The following IPO7 variants were observed in gnomAD, a reference collection of about 807,000 sequenced individuals.
IPO7 encodes the protein importin 7.
A neutral mutation model predicts 136.4 loss-of-function variants in IPO7; 13 were observed. The ratio of observed to expected loss-of-function variants is 0.10; its 90% CI spans 0.06 to 0.15. The LOEUF is 0.15. IPO7 is among the 10% of genes least tolerant of loss of function. The probability of loss-of-function intolerance (pLI) is 1.00; values close to 1 mark genes in which losing one functional copy is unlikely to be tolerated. For missense variants in IPO7, 857 were observed against 1,240.6 expected, an observed-to-expected ratio of 0.69 and a Z score of 4.65; for synonymous variants, 403 against 404.4, an observed-to-expected ratio of 1.00 and a Z score of 0.04.
chr11:9,399,562 T>TGA (rs1854764653), intron 1 of IPO7, among the ~76,000 whole-genome samples: 1 of 152,184 alleles, frequency 6.6e-6, no homozygotes, highest in African/African-American at 2.4e-5. Flanking sequence ...AGGATAGTGA[T>TGA]GAGAGGTTGG....
intron 2 of IPO7, among the ~76,000 whole-genome samples, chr11:9,404,615 T>G (rs1296714584): frequency 2.8e-5 from 4 of 144,510 alleles, no homozygotes; most frequent in South Asian, 2.2e-4. Flanking sequence ...GCCCAGGCTG[T>G]AGTGCGGTGG....
chr11:9,393,101 T>G (rs888600919), intron 1 of IPO7, among the ~76,000 whole-genome samples: 2 of 152,076 alleles, frequency 1.3e-5, no homozygotes, highest in African/African-American at 4.8e-5. Flanking sequence ...CTGGTAAACA[T>G]CAAGTAGAAA....
intron 3 of IPO7, 79 bp from the exon 4 acceptor site, chr11:9,409,849 C>T: frequency 9.7e-7 from 1 of 1,031,086 alleles, no homozygotes; most frequent in Non-Finnish European, 1.4e-6. Flanking sequence ...TTTGTCTAAA[C>T]AGCTATTTTC....
chr11:9,390,370 T>TG (rs1854612348), intron 1 of IPO7, among the ~76,000 whole-genome samples: 2 of 152,120 alleles, frequency 1.3e-5, no homozygotes, highest in Admixed American at 1.3e-4. Flanking sequence ...TACTGCTGTA[T>TG]GTGATATACC....
chr11:9,436,866 A>ATATATATATATAT, intron 20 of IPO7, among the ~76,000 whole-genome samples: 1 of 14,534 alleles, frequency 6.9e-5, no homozygotes, highest in Non-Finnish European at 1.2e-4. Context: ...ATATATATAT[A>ATATATATATATAT]TATTTTTTTT....
intron 1 of IPO7, among the ~76,000 whole-genome samples, chr11:9,400,953 G>A (rs1481131647): frequency 5.3e-5 from 8 of 151,670 alleles, no homozygotes; most frequent in African/African-American, 1.2e-4. Flanking sequence ...AAGCCGAGGC[G>A]GGTGGATCAC....
intron 1 of IPO7, among the ~76,000 whole-genome samples, chr11:9,386,420 A>T (rs1429509236): frequency 2.6e-5 from 4 of 152,194 alleles, no homozygotes; most frequent in Non-Finnish European, 5.9e-5. Flanking sequence ...AGTGATAGAC[A>T]TGGGTTAAGT....
chr11:9,410,132 A>G, intron 4 of IPO7, 46 bp downstream of exon 4: 1 of 1,348,886 alleles, frequency 7.4e-7, no homozygotes, highest in Non-Finnish European at 9.7e-7. Context: ...AAGTAGGAAA[A>G]GTTGGGAAAA....
intron 13 of IPO7, 137 bp from the exon 14 acceptor site, chr11:9,428,894 T>A: frequency 1.2e-6 from 1 of 827,852 alleles, no homozygotes; most frequent in Non-Finnish European, 2.2e-6. Context: ...ATCATAGTAC[T>A]GGTCTAGTGT....
chr11:9,418,641 AATAG>A (rs1197898468), intron 6 of IPO7, among the ~76,000 whole-genome samples: 10 of 152,198 alleles, frequency 6.6e-5, no homozygotes, highest in African/African-American at 2.4e-4. Context: ...TTGCACATTT[AATAG>A]ATATAAAATA....
chr11:9,399,128 G>A (rs1467927564), intron 1 of IPO7, among the ~76,000 whole-genome samples: 1 of 151,740 alleles, frequency 6.6e-6, no homozygotes, highest in Non-Finnish European at 1.5e-5. Flanking sequence ...TAGTCACTTG[G>A]ACTAGGTTGG....
chr11:9,405,338 C>T (rs1854867079), intron 2 of IPO7, among the ~76,000 whole-genome samples: 1 of 152,108 alleles, frequency 6.6e-6, no homozygotes. Context: ...CCACGCCCGG[C>T]TAATTCTTTG....
Position 9,434,917 on chromosome 11 carries a change from G to A in IPO7, c.2075-17G>A. On this transcript the variant is annotated splice_polypyrimidine_tract_variant and intron_variant, in intron 18 of 24. Transcript: ENST00000379719. Reference sequence around the variant, plus strand: ...GTGTTACTAAAGATGTGTAACCGATGTTTTTTATTAATACAGATATGATGC... The same window carrying A: ...GTGTTACTAAAGATGTGTAACCGATATTTTTTATTAATACAGATATGATGC... 6.6e-7 allele frequency: 1 copy of A among 1,505,064 alleles called. No individual in the cohort carries two copies. Among genetic ancestry groups the A allele is most frequent in the Non-Finnish European group, 9.2e-7 (1 of 1,084,446 alleles). 93.2% of individuals were successfully genotyped at this position (1,505,064 alleles called of 1,614,324 possible).
chr11:9,424,070 A>G (rs1564999910), intron 10 of IPO7, among the ~76,000 whole-genome samples, 194 bp downstream of exon 10: 1 of 152,170 alleles, frequency 6.6e-6, no homozygotes, highest in Non-Finnish European at 1.5e-5. Context: ...GGCAGACACA[A>G]ATTCAATACT....
Position 9,438,143 on chromosome 11 carries a change from C to G in IPO7, c.2553C>G (p.Pro851=). Residue 851 remains proline, a synonymous_variant, in exon 22 of 25, where the codon CCC becomes CCG. Transcript: ENST00000379719. ...CTCTTATTGATATGGAACAGATACC[C>G]CAAGTTTTAAATCAGGTTTCTGGAC... ...LCALIDMEQI[P]QVLNQVSGQI... The G allele has an allele frequency of 6.3e-7, 1 of 1,597,814 alleles. No individual in the cohort carries two copies. The highest frequency in any genetic ancestry group is 8.5e-7 in the Non-Finnish European group (1 of 1,173,510).
At position 9,408,704 on chromosome 11, in the gene IPO7, GTTTTTTTTTTTTTTTT is replaced by G. The variant is rs377057603; in HGVS notation, c.320+76_320+91del. 3 of 173,322 alleles carry G rather than the reference GTTTTTTTTTTTTTTTT, an allele frequency of 1.7e-5. No homozygotes were observed. The East Asian group carries it at 5.3e-4, about 30-fold the overall frequency. 10.7% of individuals were successfully genotyped at this position (173,322 alleles called of 1,614,324 possible). A position where few individuals can be genotyped will look rare whatever the true frequency, so the allele number is the denominator to read the frequency against. Reference sequence around the variant, plus strand: ...AACTTTCAGGGTTTTTTGTTTTTTGGTTTTTTTTTTTTTTTTTTTTTTTTTTGAGATGGACTTTCCC... The same window carrying G: ...AACTTTCAGGGTTTTTTGTTTTTTGGTTTTTTTTTTGAGATGGACTTTCCC... On this transcript the variant is annotated intron_variant, in intron 3 of 24. Coordinates refer to ENST00000379719, the MANE Select transcript of IPO7 (RefSeq NM_006391.3).
intron 24 of IPO7, 57 bp from the exon 25 acceptor site, chr11:9,445,040 T>G: frequency 9.2e-7 from 1 of 1,086,024 alleles, no homozygotes. Flanking sequence ...TTTTGTCAGT[T>G]TCTCACCAAG....
chr11:9,422,885 A>G (rs991608630), intron 8 of IPO7, 121 bp from the exon 9 acceptor site: 8 of 527,176 alleles, frequency 1.5e-5, no homozygotes, highest in East Asian at 2.8e-5. Flanking sequence ...TTCAAAGTAT[A>G]CGGTTGTTTT....
intron 6 of IPO7, among the ~76,000 whole-genome samples, chr11:9,419,559 A>AAAAAAAAAATATATAT (rs1256216265): frequency 2.1e-4 from 24 of 116,862 alleles, no homozygotes; most frequent in African/African-American, 1.5e-4. Context: ...AAAAAAAAAA[A>AAAAAAAAAATATATAT]ATATATATAT....
Sources: gnomAD v4.1 joint callset for allele counts (sites outside exome capture counted in the v4.1 genomes callset) on GRCh38, gnomAD v4.1.1 for gene constraint, MANE v1.5 for transcripts, NCBI Gene and HGNC (gene_info 2026-07-23, HGNC 2026-07-21) for gene names.